TNR: variants seen among roughly 807,000 people sequenced by gnomAD.
TNR encodes the protein tenascin-R.
In TNR, 45 loss-of-function variants were observed where a neutral mutation model predicts 150.4. The observed-to-expected ratio is 0.30, with a 90% CI of 0.24 to 0.38. The LOEUF is 0.38. TNR is among the 10% of genes least tolerant of loss of function. TNR has a pLI of 1.00. For synonymous variants in TNR, 687 were observed against 678.4 expected (o/e 1.01, Z -0.20); for missense variants, 1,544 against 1,759.1 (o/e 0.88, Z 2.19).
chr1:175,404,452 C>T (rs1017848522), intron 3 of TNR, among the ~76,000 whole-genome samples: 3 of 152,162 alleles, frequency 2.0e-5, no homozygotes, highest in African/African-American at 7.2e-5. Flanking sequence ...CTGTCCTAGA[C>T]CTTACTGTGG....
intron 2 of TNR, among the ~76,000 whole-genome samples, chr1:175,488,204 A>C (rs1658095170): frequency 6.6e-6 from 1 of 152,232 alleles, no homozygotes; most frequent in Non-Finnish European, 1.5e-5. Context: ...AAACCCCGGA[A>C]ACATGCACTG....
chr1:175,669,987 A>G (rs1261304026), intron 1 of TNR, among the ~76,000 whole-genome samples: 3 of 152,086 alleles, frequency 2.0e-5, no homozygotes, highest in South Asian at 2.1e-4. Flanking sequence ...ACTCTGTTTC[A>G]CTGTGTGGTT....
intron 1 of TNR, among the ~76,000 whole-genome samples, chr1:175,730,412 T>C (rs1470306609): frequency 1.3e-5 from 2 of 152,198 alleles, no homozygotes; most frequent in African/African-American, 2.4e-5. Context: ...GAAGTTATCT[T>C]TGTGACTCCC....
intron 9 of TNR, among the ~76,000 whole-genome samples, chr1:175,371,869 G>A (rs910935710): frequency 2.0e-5 from 3 of 152,164 alleles, no homozygotes; most frequent in Non-Finnish European, 2.9e-5. Flanking sequence ...AGGAAGGAGT[G>A]GAGTAAGCAA....
chr1:175,379,459 G>C (rs1397513751), intron 9 of TNR, 93 bp downstream of exon 9: 1 of 1,154,154 alleles, frequency 8.7e-7, no homozygotes, highest in East Asian at 2.4e-5. Context: ...ATAGGAATTG[G>C]CCATGGGTTT....
chr1:175,335,765 T>C lies in TNR; in HGVS notation c.3577A>G (p.Lys1193Glu). 1 of 1,614,028 alleles carries C rather than the reference T, an allele frequency of 6.2e-7. No homozygotes were observed. ...AAGCCAACACGGTAATCAGCCCATTTCCGGAAAAAATCAGTTTGGCCATTC... is the reference window on the plus strand; with the variant it reads ...AAGCCAACACGGTAATCAGCCCATTCCCGGAAAAAATCAGTTTGGCCATTC... Reference protein sequence around the residue: ...RQNGQTDFFRKWADYRVGFGN... With the variant: ...RQNGQTDFFREWADYRVGFGN... The change falls in exon 20 of 23, where the codon AAA becomes GAA. Residue 1193 changes from lysine to glutamate, a missense_variant. Coordinates refer to ENST00000367674, the MANE Select transcript of TNR (RefSeq NM_003285.3).
At chr1:175,600,826 C>G (rs188902808) in intron 1 of TNR, among the ~76,000 whole-genome samples, 3 of 152,232 alleles carry the variant, frequency 2.0e-5, no homozygotes, top group African/African-American at 4.8e-5. Context: ...ACCCAAAAAG[C>G]AAAAAACAGA....
intron 21 of TNR, among the ~76,000 whole-genome samples, chr1:175,326,291 A>G (rs185279884): frequency 3.5e-4 from 53 of 152,312 alleles, no homozygotes; most frequent in African/African-American, 1.2e-3. Flanking sequence ...AAGGGGGCTC[A>G]TGCTACTTAT....
Position 175,452,292 on chromosome 1 carries a change from G to A in TNR, c.-63-45515C>T, listed in dbSNP as rs184337174. Among the ~76,000 whole-genome samples, 120 of 152,360 alleles carry A rather than the reference G, an allele frequency of 7.9e-4. 1 individual carries two copies. The highest frequency in any genetic ancestry group is 2.8e-3 in the African/African-American group (115 of 41,582). ...TCTGAGGCTCAGCAGTGAACAAAGC[G>A]CCCTGCTCGAAAGTCTAGCGGGGGA... On this transcript the variant is annotated intron_variant, in intron 2 of 22. Transcript: ENST00000367674.
rs553203085 is a variant in TNR at position 175,521,269 on chromosome 1, T to C, written c.-64+7000A>G. Among the ~76,000 whole-genome samples, 4 of 152,332 alleles carry C rather than the reference T, an allele frequency of 2.6e-5. No homozygotes were observed. The South Asian group carries it at 8.3e-4, about 32-fold the overall frequency. On this transcript the variant is annotated intron_variant, in intron 2 of 22. Transcript: ENST00000367674. Reference sequence around the variant, plus strand: ...AGAGCCTCCTAGAACCTCCAGCTAATGAAGCCATCTCATTTGTTGTGGAGC... The same window carrying C: ...AGAGCCTCCTAGAACCTCCAGCTAACGAAGCCATCTCATTTGTTGTGGAGC...
chr1:175,518,068 A>G (rs1659485984), intron 2 of TNR, among the ~76,000 whole-genome samples: 1 of 152,002 alleles, frequency 6.6e-6, no homozygotes, highest in South Asian at 2.1e-4. Context: ...ATAAATAAAT[A>G]TCCCCTTCAT....
intron 1 of TNR, among the ~76,000 whole-genome samples, chr1:175,683,142 G>C (rs182422877): frequency 6.6e-6 from 1 of 152,200 alleles, no homozygotes; most frequent in East Asian, 1.9e-4. Flanking sequence ...CTGGTCAAAA[G>C]ATCCCAAGGA....
intron 2 of TNR, among the ~76,000 whole-genome samples, chr1:175,418,499 G>A (rs1654606654): frequency 6.6e-6 from 1 of 152,186 alleles, no homozygotes; most frequent in South Asian, 2.1e-4. Flanking sequence ...CAAGGCAGAT[G>A]GATCACGAGG....
chr1:175,511,601 C>G (rs992737451), intron 2 of TNR, among the ~76,000 whole-genome samples: 6 of 152,212 alleles, frequency 3.9e-5, no homozygotes, highest in African/African-American at 1.4e-4. Flanking sequence ...TCTCATGACT[C>G]AAGCACATCT....
At chr1:175,690,741 G>T (rs542772303) in intron 1 of TNR, among the ~76,000 whole-genome samples, 3 of 152,324 alleles carry the variant, frequency 2.0e-5, no homozygotes, top group South Asian at 2.1e-4. Flanking sequence ...CTGGCTTTGC[G>T]CAGAGAAGTA....
chr1:175,695,018 A>G (rs1160132263), intron 1 of TNR, among the ~76,000 whole-genome samples: 1 of 152,204 alleles, frequency 6.6e-6, no homozygotes, highest in Non-Finnish European at 1.5e-5. Context: ...AAATATGTCC[A>G]TGAATTTTTT....
intron 1 of TNR, among the ~76,000 whole-genome samples, chr1:175,588,837 A>C (rs1054215393): frequency 2.6e-5 from 4 of 152,292 alleles, no homozygotes; most frequent in African/African-American, 9.6e-5. Context: ...CCCAAACCTA[A>C]TCTCCTCAAT....
chr1:175,379,625 G>A lies in TNR; in HGVS notation c.1890C>T (p.Thr630=), dbSNP rs78948174. ...EVQEYKVVYS[T]LAGEQYHEVL... is the part of the protein sequence containing the mutation. ...CCTCATGATATTGCTCACCCGCCAG[G>A]GTGCTGTACACAACCTTGTACTCCT... Residue 630 remains threonine, a synonymous_variant, in exon 9 of 23, where the codon ACC becomes ACT. Transcript: ENST00000367674. The A allele has an allele frequency of 3.3e-4, 528 of 1,614,154 alleles. 2 individuals are homozygous for A. The African/African-American group carries it at 6.3e-3, about 19-fold the overall frequency.
chr1:175,677,472 T>C (rs1437410460), intron 1 of TNR, among the ~76,000 whole-genome samples: 1 of 152,146 alleles, frequency 6.6e-6, no homozygotes, highest in Non-Finnish European at 1.5e-5. Context: ...CGAGGGACTC[T>C]CCCATCAGAG....
Sources: allele counts gnomAD v4.1 joint callset (sites outside exome capture counted in the v4.1 genomes callset), GRCh38; gene constraint gnomAD v4.1.1; transcripts MANE v1.5; gene names NCBI Gene and HGNC (gene_info 2026-07-23, HGNC 2026-07-21).